The following RHEB variants were observed in gnomAD, a reference collection of about 807,000 sequenced individuals.
The protein encoded by RHEB is GTP-binding protein Rheb.
RHEB carries 2 observed loss-of-function variants against 28.8 expected under a neutral mutation model. The observed-to-expected ratio is 0.07, with a 90% CI of 0.03 to 0.22. The LOEUF (loss-of-function observed/expected upper bound fraction) is 0.22, where lower values mean the gene tolerates loss of function less well. Among genes scored for constraint, RHEB ranks in the 10% least tolerant of loss-of-function variants. RHEB has a pLI of 1.00. For synonymous variants in RHEB, 69 were observed against 77.3 expected, an observed-to-expected ratio of 0.89 and a Z score of 0.56; for missense variants, 76 against 219.9, an observed-to-expected ratio of 0.35 and a Z score of 4.14.
At chr7:151,503,219 A>G in intron 1 of RHEB, 1 of 783,792 alleles carries the variant, frequency 1.3e-6, no homozygotes, top group South Asian at 1.3e-5. Context: ...GATAAATCTC[A>G]TTTCACAGAC....
At chr7:151,471,468 C>G (rs1288421174) in intron 5 of RHEB, 27 bp from the exon 6 acceptor site, 2 of 1,557,800 alleles carry the variant, frequency 1.3e-6, no homozygotes, top group Non-Finnish European at 1.8e-6. Context: ...AAAGACAAAC[C>G]AGTAAGTGCC....
chr7:151,505,225 T>C (rs1691169337), intron 1 of RHEB, among the ~76,000 whole-genome samples: 1 of 150,856 alleles, frequency 6.6e-6, no homozygotes, highest in South Asian at 2.1e-4. Context: ...ACTTCTTCTG[T>C]TCTCTGAAAC....
intron 1 of RHEB, chr7:151,498,274 C>G (rs1161019920): frequency 7.0e-6 from 4 of 573,470 alleles, no homozygotes; most frequent in Non-Finnish European, 1.2e-5. Flanking sequence ...GGGGAAACAT[C>G]AATGAAAGAA....
chr7:151,477,494 T>A, intron 3 of RHEB, 79 bp from the exon 4 acceptor site: 2 of 780,330 alleles, frequency 2.6e-6, no homozygotes, highest in Non-Finnish European at 4.3e-6. Context: ...TTTCATGTAT[T>A]ACCTGAAGAA....
intron 3 of RHEB, among the ~76,000 whole-genome samples, chr7:151,479,477 T>G (rs1436826205): frequency 2.0e-5 from 3 of 152,030 alleles, no homozygotes; most frequent in African/African-American, 7.3e-5. Context: ...GGTCAGGAGA[T>G]TCATATCATC....
At chr7:151,504,505 A>G (rs183451585) in intron 1 of RHEB, among the ~76,000 whole-genome samples, 1 of 152,126 alleles carries the variant, frequency 6.6e-6, no homozygotes, top group African/African-American at 2.4e-5. Flanking sequence ...TGTATTTTCC[A>G]TTTGCATTTG....
intron 1 of RHEB, among the ~76,000 whole-genome samples, chr7:151,494,422 C>T (rs1802640538): frequency 6.6e-6 from 1 of 152,228 alleles, no homozygotes; most frequent in Non-Finnish European, 1.5e-5. Context: ...ACACATTAAA[C>T]AAGACAGCAT....
At chr7:151,479,595 A>G (rs1802343340) in intron 3 of RHEB, among the ~76,000 whole-genome samples, 1 of 150,076 alleles carries the variant, frequency 6.7e-6, no homozygotes, top group African/African-American at 2.5e-5. Flanking sequence ...AGGCAGGAGA[A>G]TGGTGTGAAC....
At chr7:151,473,705 C>G (rs1802207768) in intron 4 of RHEB, among the ~76,000 whole-genome samples, 1 of 152,096 alleles carries the variant, frequency 6.6e-6, no homozygotes, top group Non-Finnish European at 1.5e-5. Flanking sequence ...CTACGAGCTA[C>G]TAGAAAAAAA....
At chr7:151,515,201 C>T (rs991502758) in intron 1 of RHEB, among the ~76,000 whole-genome samples, 3 of 152,060 alleles carry the variant, frequency 2.0e-5, no homozygotes, top group African/African-American at 4.8e-5. Flanking sequence ...ACAACATGAA[C>T]GAACCTTGAA....
intron 1 of RHEB, among the ~76,000 whole-genome samples, chr7:151,515,976 T>C (rs530798590): frequency 6.6e-6 from 1 of 152,306 alleles, no homozygotes; most frequent in African/African-American, 2.4e-5. Context: ...TTACCAAAGC[T>C]CTCTGTACAG....
rs565653044 is a variant in RHEB, at chr7:151,499,476, T to G, written c.53-8462A>C. On this transcript the variant is annotated intron_variant, in intron 1 of 7. Transcript: ENST00000262187. ...GACTGTGGTGTGAATCCTAGCTGTG[T>G]CTTGAAGTTAAGCGCTCTGGGCCTC... Among the ~76,000 whole-genome samples, 4 of 152,362 alleles carry G rather than the reference T, an allele frequency of 2.6e-5. No individual in the cohort carries two copies. The South Asian group carries it at 8.3e-4, about 32-fold the overall frequency.
chr7:151,469,198 A>G (rs1802116355), intron 7 of RHEB, among the ~76,000 whole-genome samples: 1 of 152,236 alleles, frequency 6.6e-6, no homozygotes, highest in Non-Finnish European at 1.5e-5. Context: ...ATAAGAGGAC[A>G]TAACCACATG....
Position 151,515,257 on chromosome 7 carries a change from G to A in RHEB, c.52+4203C>T, listed in dbSNP as rs528499444. On this transcript the variant is annotated intron_variant, in intron 1 of 7. Transcript: ENST00000262187. ...ACGCCAGCCCCAGAAGACCACATAT[G>A]TATGTTCTTATTTATATGAAATGTC... 7.9e-5 allele frequency among the ~76,000 whole-genome samples: 12 copies of A among 152,272 alleles called. No homozygotes were observed. The East Asian group carries it at 1.9e-3, about 24-fold the overall frequency.
intron 7 of RHEB, among the ~76,000 whole-genome samples, chr7:151,469,146 C>T (rs756351933): frequency 2.0e-5 from 3 of 152,140 alleles, no homozygotes; most frequent in African/African-American, 4.8e-5. Flanking sequence ...AACTTGGGAA[C>T]GAATTACACA....
chr7:151,503,579 A>G lies in RHEB; in HGVS notation c.53-12565T>C, dbSNP rs1312586247. On this transcript the variant is annotated intron_variant, in intron 1 of 7. Transcript: ENST00000262187. ...CTGAAACACTTCCAGAACTTTATCC[A>G]TGAGTACTGGTTATTGAAAAGATAA... is the stretch of plus-strand genomic sequence containing the variant. 42 of 519,816 alleles carry G rather than the reference A, an allele frequency of 8.1e-5. No individual in the cohort carries two copies. The East Asian group carries it at 1.6e-3, about 20-fold the overall frequency. The allele number at this position is 519,816 out of a possible 1,614,324, so 32.2% of individuals were successfully genotyped here. A position where few individuals can be genotyped will look rare whatever the true frequency, so the allele number is the denominator to read the frequency against.
At position 151,499,460 on chromosome 7, in the gene RHEB, G is replaced by A. The variant is rs748485272; in HGVS notation, c.53-8446C>T. On this transcript the variant is annotated intron_variant, in intron 1 of 7. Transcript: ENST00000262187. ...TAGGATTTAAACTCATGACTGTGGT[G>A]TGAATCCTAGCTGTGTCTTGAAGTT... is the stretch of plus-strand genomic sequence containing the variant. 9.2e-5 allele frequency among the ~76,000 whole-genome samples: 14 copies of A among 152,234 alleles called. 1 individual carries two copies. Among genetic ancestry groups the A allele is most frequent in the Non-Finnish European group, 1.3e-4 (9 of 68,040 alleles).
chr7:151,487,744 T>C (rs1000892305), intron 2 of RHEB, among the ~76,000 whole-genome samples: 16 of 152,216 alleles, frequency 1.1e-4, no homozygotes, highest in Non-Finnish European at 2.1e-4. Flanking sequence ...AGTGGAAAGC[T>C]GGCTTTCTTC....
Position 151,484,552 on chromosome 7 carries a change from G to C in RHEB, c.192+185C>G, listed in dbSNP as rs542394425. On this transcript the variant is annotated intron_variant, in intron 3 of 7. Coordinates refer to ENST00000262187, the MANE Select transcript of RHEB (RefSeq NM_005614.4). ...TGAAAATGTATCAAATACCTCAATAGACCCATCGTAAAGATGAGAAATTGT... is the reference window on the plus strand; with the variant it reads ...TGAAAATGTATCAAATACCTCAATACACCCATCGTAAAGATGAGAAATTGT... Among the ~76,000 whole-genome samples, 9 of 152,228 alleles carry C rather than the reference G, an allele frequency of 5.9e-5. No individual in the cohort carries two copies. The South Asian group carries it at 1.9e-3, about 32-fold the overall frequency.
Sources: gnomAD v4.1 joint callset for allele counts (sites outside exome capture counted in the v4.1 genomes callset) on GRCh38, gnomAD v4.1.1 for gene constraint, MANE v1.5 for transcripts, NCBI Gene and HGNC (gene_info 2026-07-23, HGNC 2026-07-21) for gene names.